The following INPP4A variants were observed in gnomAD, a reference collection of about 807,000 sequenced individuals.
INPP4A encodes the protein inositol polyphosphate-4-phosphatase, type I, 107kD.
Under a neutral mutation model 119.8 loss-of-function variants are expected in INPP4A, and 33 were observed. The ratio of observed to expected loss-of-function variants is 0.28; its 90% CI spans 0.21 to 0.37. The LOEUF (loss-of-function observed/expected upper bound fraction) is 0.37. Ranked by LOEUF, INPP4A falls within the 10% of genes least tolerant of loss-of-function variation. The pLI is 1.00. For synonymous variants in INPP4A, 496 were observed against 500.7 expected (o/e 0.99, Z 0.12); for missense variants, 956 against 1,289.9 (o/e 0.74, Z 3.97).
At chr2:98,457,577 G>T (rs1185439675) in intron 1 of INPP4A, among the ~76,000 whole-genome samples, 2 of 152,226 alleles carry the variant, frequency 1.3e-5, no homozygotes, top group African/African-American at 4.8e-5. Context: ...AGCCTGTGAC[G>T]TAGACTGTGA....
chr2:98,455,541 C>T (rs1253091334), intron 1 of INPP4A, among the ~76,000 whole-genome samples: 1 of 152,096 alleles, frequency 6.6e-6, no homozygotes, highest in Non-Finnish European at 1.5e-5. Context: ...GAAGTCATGC[C>T]TGAATCTCAC....
rs577134796 is a variant in INPP4A, at chr2:98,454,431, G to A, written c.-166+9346G>A. Among the ~76,000 whole-genome samples, 6 of 152,268 alleles carry A rather than the reference G, an allele frequency of 3.9e-5. No individual in the cohort carries two copies. The East Asian group carries it at 1.2e-3, about 29-fold the overall frequency. On this transcript the variant is annotated intron_variant, in intron 1 of 24. Coordinates refer to ENST00000409851, the MANE Select transcript of INPP4A (RefSeq NM_001134225.2). ...GGCAAGTTGGATTGTAGTGCTGGAT[G>A]TGAACCCAAGTCAGCTTTCTCATCT... is the stretch of plus-strand genomic sequence containing the variant.
At chr2:98,479,876 G>A (rs1458991285) in intron 1 of INPP4A, among the ~76,000 whole-genome samples, 1 of 152,118 alleles carries the variant, frequency 6.6e-6, no homozygotes, top group Admixed American at 6.5e-5. Context: ...CTCTCCCTTG[G>A]GCTGTGCACT....
intron 1 of INPP4A, among the ~76,000 whole-genome samples, chr2:98,478,742 T>G (rs999081199): frequency 6.6e-6 from 1 of 152,164 alleles, no homozygotes. Flanking sequence ...CCGAGAAGGT[T>G]GCAGGTATGT....
chr2:98,515,227 TG>T (rs1685883798), intron 1 of INPP4A, among the ~76,000 whole-genome samples: 1 of 152,228 alleles, frequency 6.6e-6, no homozygotes, highest in Non-Finnish European at 1.5e-5. Context: ...TTAGCTGTCT[TG>T]GATTTGGGGT....
At chr2:98,457,308 A>G (rs994696675) in intron 1 of INPP4A, among the ~76,000 whole-genome samples, 2 of 152,238 alleles carry the variant, frequency 1.3e-5, no homozygotes, top group African/African-American at 4.8e-5. Context: ...TGTATTCTCT[A>G]GCTACTTGGG....
chr2:98,520,651 T>G, intron 3 of INPP4A, 36 bp from the exon 4 acceptor site: 8 of 1,357,502 alleles, frequency 5.9e-6, no homozygotes, highest in Non-Finnish European at 8.1e-6. Context: ...AAAAGTTTAT[T>G]AAGGATGATT....
chr2:98,450,664 A>G (rs1047705946), intron 1 of INPP4A, among the ~76,000 whole-genome samples: 6 of 152,244 alleles, frequency 3.9e-5, no homozygotes, highest in Non-Finnish European at 5.9e-5. Flanking sequence ...GTAAGTGTGC[A>G]GAACGGAAGC....
In INPP4A at chr2:98,568,609, A is replaced by G; in HGVS notation, c.2459A>G (p.Glu820Gly). Residue 820 changes from glutamate (E) to glycine (G), a missense_variant, in exon 22 of 25, where the codon GAG becomes GGG. By Grantham distance (98) the Glu-to-Gly change is moderately conservative. Around this residue, in one of 2 missense-constraint regions of INPP4A, gnomAD observed 304 missense variants for 492.1 expected, o/e 0.62. Transcript: ENST00000409851. ...DTSLQEVINVESLVRLNSYFE... is the reference protein window; with the variant it reads ...DTSLQEVINVGSLVRLNSYFE... ...TCTTTACAAGAAGTCATCAACGTGG[A>G]GAGTTTGGTGCGGTTAAATTCCTAC... 1 of 1,604,776 alleles carries G rather than the reference A, an allele frequency of 6.2e-7. No individual in the cohort carries two copies. Among genetic ancestry groups the G allele is most frequent in the African/African-American group, 1.3e-5 (1 of 74,956 alleles).
chr2:98,566,680 C>A lies in INPP4A; in HGVS notation c.2420+511C>A, dbSNP rs1696509604. On this transcript the variant is annotated intron_variant, in intron 21 of 24. Coordinates refer to ENST00000409851, the MANE Select transcript of INPP4A (RefSeq NM_001134225.2). This position sits in a 1 kb window ranked among gnomAD's most constrained non-coding sequence, Gnocchi z 4.2. ...AGGCTCTGTGTGCCAGGCTGAGACTCATGCCTGAACCTAAAGGCAACTGCC... is the reference window on the plus strand; with the variant it reads ...AGGCTCTGTGTGCCAGGCTGAGACTAATGCCTGAACCTAAAGGCAACTGCC... Among the ~76,000 whole-genome samples, 1 of 152,166 alleles carries A rather than the reference C, an allele frequency of 6.6e-6. No homozygotes were observed. The highest frequency in any genetic ancestry group is 2.4e-5 in the African/African-American group (1 of 41,410).
chr2:98,445,484 G>A (rs914823630), intron 1 of INPP4A, among the ~76,000 whole-genome samples: 1 of 152,262 alleles, frequency 6.6e-6, no homozygotes, highest in African/African-American at 2.4e-5. Context: ...CTCCGTGTGG[G>A]AAATCTGGTC....
chr2:98,521,171 T>C (rs1687115956), intron 4 of INPP4A: 1 of 159,886 alleles, frequency 6.3e-6, no homozygotes, highest in South Asian at 1.8e-4. Context: ...TTCCCTATTG[T>C]ATAAAAGGCA....
At chr2:98,561,241 T>C (rs1695419150) in intron 17 of INPP4A, among the ~76,000 whole-genome samples, 1 of 152,230 alleles carries the variant, frequency 6.6e-6, no homozygotes, top group African/African-American at 2.4e-5. Context: ...TAAGGAGTTT[T>C]CTACAAAAAC....
At chr2:98,511,818 C>T (rs1685173674) in intron 1 of INPP4A, among the ~76,000 whole-genome samples, 1 of 152,202 alleles carries the variant, frequency 6.6e-6, no homozygotes, top group African/African-American at 2.4e-5. Flanking sequence ...TCCCCTCCCC[C>T]ATGCCACCAA....
At chr2:98,505,274 G>A (rs74384686) in intron 1 of INPP4A, among the ~76,000 whole-genome samples, 92 of 152,286 alleles carry the variant, frequency 6.0e-4, no homozygotes, top group Non-Finnish European at 1.1e-3. Flanking sequence ...TCTTCCAAGG[G>A]TGCACTTTGC....
chr2:98,484,089 G>A (rs549289570), intron 1 of INPP4A, among the ~76,000 whole-genome samples: 5 of 152,092 alleles, frequency 3.3e-5, no homozygotes, highest in South Asian at 2.1e-4. Context: ...AATCTCTTTC[G>A]CTTTGACCGG....
At chr2:98,556,744 T>C (rs1160513036) in intron 16 of INPP4A, among the ~76,000 whole-genome samples, 1 of 152,242 alleles carries the variant, frequency 6.6e-6, no homozygotes, top group Non-Finnish European at 1.5e-5. Flanking sequence ...GGTCAGAGCC[T>C]CTTGGCAAAT....
At chr2:98,516,812 C>T (rs563690448) in intron 1 of INPP4A, among the ~76,000 whole-genome samples, 1 of 152,132 alleles carries the variant, frequency 6.6e-6, no homozygotes, top group Non-Finnish European at 1.5e-5. Flanking sequence ...ATGATCACAC[C>T]CCCAGCATGG....
At chr2:98,530,132 A>G (rs1321578419) in intron 4 of INPP4A, among the ~76,000 whole-genome samples, 1 of 152,128 alleles carries the variant, frequency 6.6e-6, no homozygotes, top group Admixed American at 6.5e-5. Flanking sequence ...AATTCTAAGG[A>G]GAAAGAAAAT....
Sources: allele counts gnomAD v4.1 joint callset (sites outside exome capture counted in the v4.1 genomes callset), GRCh38; gene constraint gnomAD v4.1.1; regional missense constraint gnomAD v4.1.1; non-coding constraint Gnocchi (gnomAD v3.1); transcripts MANE v1.5; gene names NCBI Gene and HGNC (gene_info 2026-07-23, HGNC 2026-07-21).